HMGN5: variants seen among roughly 807,000 people sequenced by gnomAD.
HMGN5 encodes high mobility group nucleosome-binding domain-containing protein 5.
HMGN5 carries 4 observed loss-of-function variants against 9.5 expected under a neutral mutation model. The observed-to-expected ratio is 0.42, with a 90% CI of 0.21 to 0.96. HMGN5 has a LOEUF of 0.96. Among genes scored for constraint, HMGN5 ranks in the 40% least tolerant of loss-of-function variants. The probability of loss-of-function intolerance (pLI) is 0.30; values close to 1 mark genes in which losing one functional copy is unlikely to be tolerated. For missense variants in HMGN5, 192 were observed against 187.5 expected, an observed-to-expected ratio of 1.02 and a Z score of -0.14; for synonymous variants, 55 against 57.1, an observed-to-expected ratio of 0.96 and a Z score of 0.16.
intron 1 of HMGN5, among the ~76,000 whole-genome samples, chrX:81,153,577 CTCTCTCTATATATATATATATATATATA>C (rs1476232737): frequency 3.6e-3 from 41 of 11,277 alleles, no homozygotes; most frequent in Non-Finnish European, 4.6e-3. Context: ...CTCTCTCTCT[CTCTCTCTATATATATATATATATATATA>C]TATATATATA....
At chrX:81,126,878 G>T (rs1191474684) in intron 1 of HMGN5, among the ~76,000 whole-genome samples, 1 of 111,567 alleles carries the variant, frequency 9.0e-6, no homozygotes, top group Non-Finnish European at 1.9e-5. Context: ...TGTGGTAAGA[G>T]CACCTAATAT....
chrX:81,140,243 A>G (rs1228065307), intron 1 of HMGN5, among the ~76,000 whole-genome samples: 2 of 111,500 alleles, frequency 1.8e-5, no homozygotes, highest in Non-Finnish European at 3.8e-5. Flanking sequence ...ACCTTGAGCC[A>G]GAAGGGAACC....
At chrX:81,131,795 A>C (rs1430405269) in intron 1 of HMGN5, among the ~76,000 whole-genome samples, 1 of 111,494 alleles carries the variant, frequency 9.0e-6, no homozygotes, top group Non-Finnish European at 1.9e-5. Context: ...TCCCCTTGAA[A>C]ACTGGCACAA....
At chrX:81,123,522 A>ATATAAGG (rs1257506352) in intron 1 of HMGN5, among the ~76,000 whole-genome samples, 40 of 112,052 alleles carry the variant, frequency 3.6e-4, no homozygotes. Context: ...TAAGCATAAA[A>ATATAAGG]ATTGATTTTA....
intron 4 of HMGN5, 92 bp downstream of exon 4, chrX:81,118,638 A>G: frequency 2.2e-6 from 2 of 903,747 alleles, no homozygotes; most frequent in East Asian, 3.2e-5. Flanking sequence ...TAAAACTTCA[A>G]AAATAAATCG....
intron 1 of HMGN5, among the ~76,000 whole-genome samples, chrX:81,192,137 C>T (rs1423718007): frequency 2.7e-5 from 3 of 111,177 alleles, no homozygotes; most frequent in Non-Finnish European, 5.7e-5. Flanking sequence ...TAGAATAACC[C>T]AACTTGGTCA....
At chrX:81,174,425 A>G (rs1305430553) in intron 1 of HMGN5, among the ~76,000 whole-genome samples, 1 of 111,614 alleles carries the variant, frequency 9.0e-6, no homozygotes, top group Admixed American at 9.5e-5. Flanking sequence ...CCCTTGACCC[A>G]GCTGAAATAC....
intron 1 of HMGN5, among the ~76,000 whole-genome samples, chrX:81,132,141 A>T (rs2147546955): frequency 9.0e-6 from 1 of 111,378 alleles, no homozygotes; most frequent in South Asian, 3.8e-4. Flanking sequence ...AATACCTAGG[A>T]CTAGAGCAAA....
chrX:81,164,588 T>G (rs2075406131), intron 1 of HMGN5, among the ~76,000 whole-genome samples: 1 of 111,725 alleles, frequency 9.0e-6, no homozygotes, highest in South Asian at 3.7e-4. Flanking sequence ...CCAAGGTCAA[T>G]GTCTCTCTAA....
chrX:81,183,892 T>G (rs929357025), intron 1 of HMGN5, among the ~76,000 whole-genome samples: 1 of 112,494 alleles, frequency 8.9e-6, no homozygotes, highest in Non-Finnish European at 1.9e-5. Flanking sequence ...CTGTTGTATC[T>G]TGGAAGTAAC....
chrX:81,174,645 A>G (rs776811352), intron 1 of HMGN5, among the ~76,000 whole-genome samples: 10 of 111,544 alleles, frequency 9.0e-5, no homozygotes, highest in Non-Finnish European at 1.7e-4. Flanking sequence ...CTTAAATATT[A>G]TGTCTTAGAT....
chrX:81,134,196 T>G (rs2075305447), intron 1 of HMGN5, among the ~76,000 whole-genome samples: 1 of 111,540 alleles, frequency 9.0e-6, no homozygotes, highest in Admixed American at 9.5e-5. Flanking sequence ...AATCATGCTA[T>G]GTACTGTACT....
chrX:81,130,657 A>AT (rs917440609), intron 1 of HMGN5, among the ~76,000 whole-genome samples: 1 of 110,725 alleles, frequency 9.0e-6, no homozygotes, highest in Non-Finnish European at 1.9e-5. Context: ...TCTCCCTGAG[A>AT]TACCCTGCCA....
At chrX:81,181,684 A>C (rs1422001290) in intron 1 of HMGN5, among the ~76,000 whole-genome samples, 1 of 111,730 alleles carries the variant, frequency 9.0e-6, no homozygotes, top group Non-Finnish European at 1.9e-5. Flanking sequence ...CCCACAAATA[A>C]GTGAGAATGT....
intron 6 of HMGN5, 33 bp downstream of exon 6, chrX:81,116,171 C>T (rs1339742784): frequency 9.1e-7 from 1 of 1,099,914 alleles, no homozygotes; most frequent in Non-Finnish European, 1.2e-6. Context: ...GTTAAACTTT[C>T]AAATAGATAA....
chrX:81,166,864 T>C (rs1321689738), intron 1 of HMGN5, among the ~76,000 whole-genome samples: 1 of 111,598 alleles, frequency 9.0e-6, no homozygotes, highest in Non-Finnish European at 1.9e-5. Context: ...CCCAGCTACA[T>C]GAACAACAAG....
chrX:81,194,115 C>A (rs190317375), intron 1 of HMGN5, among the ~76,000 whole-genome samples: 1 of 111,269 alleles, frequency 9.0e-6, no homozygotes, highest in East Asian at 2.8e-4. Flanking sequence ...AATTGGATAG[C>A]TATTTGAAAA....
At chrX:81,138,184 G>A (rs2075316861) in intron 1 of HMGN5, among the ~76,000 whole-genome samples, 1 of 111,745 alleles carries the variant, frequency 8.9e-6, no homozygotes, top group Non-Finnish European at 1.9e-5. Context: ...GAACTTAGAA[G>A]TAGAAATTTT....
At chrX:81,153,426 C>T (rs377471884) in intron 1 of HMGN5, among the ~76,000 whole-genome samples, 2 of 100,293 alleles carry the variant, frequency 2.0e-5, no homozygotes, top group African/African-American at 3.6e-5. Context: ...TTGTGGCCCA[C>T]GCCTGTAATC....
Sources: allele counts gnomAD v4.1 joint callset (sites outside exome capture counted in the v4.1 genomes callset), GRCh38; gene constraint gnomAD v4.1.1; transcripts MANE v1.5; gene names NCBI Gene and HGNC (gene_info 2026-07-23, HGNC 2026-07-21).